ZNF536: variants seen among roughly 807,000 people sequenced by gnomAD.
ZNF536 encodes zinc finger protein 536.
In ZNF536, 13 loss-of-function variants were observed where a neutral mutation model predicts 84.5. The observed-to-expected ratio is 0.15, with a 90% CI of 0.10 to 0.24. ZNF536 has a LOEUF of 0.24. Among genes scored for constraint, ZNF536 ranks in the 10% least tolerant of loss-of-function variants. The pLI, the probability that ZNF536 is intolerant of heterozygous loss-of-function variation, is 1.00. For synonymous variants in ZNF536, 811 were observed against 742.5 expected (o/e 1.09, Z -1.50); for missense variants, 1,536 against 1,747.5 (o/e 0.88, Z 2.16).
intron 2 of ZNF536, among the ~76,000 whole-genome samples, chr19:30,516,639 G>A (rs1295750222): frequency 6.6e-6 from 1 of 152,176 alleles, no homozygotes; most frequent in African/African-American, 2.4e-5. Flanking sequence ...CGGCTCTGTT[G>A]ATGATTACGA....
At chr19:30,265,378 G>A (rs12979707) in intron 1 of ZNF536, among the ~76,000 whole-genome samples, 3,908 of 152,150 alleles carry the variant, frequency 0.026, 77 homozygotes, top group Middle Eastern at 0.048. Context: ...CCAACCTCCC[G>A]CTCCTGCAGG....
chr19:30,427,327 G>A (rs914442344), intron 1 of ZNF536, among the ~76,000 whole-genome samples: 15 of 152,226 alleles, frequency 9.9e-5, no homozygotes, highest in Admixed American at 9.8e-4. Flanking sequence ...ATGTGGGGAA[G>A]AGTGATAGGA....
intron 2 of ZNF536, among the ~76,000 whole-genome samples, chr19:30,317,952 G>C (rs928677405): frequency 1.3e-5 from 2 of 152,154 alleles, no homozygotes; most frequent in Non-Finnish European, 1.5e-5. Flanking sequence ...GCAATGTTAC[G>C]CAAAATGCCT....
rs144775069 is a variant in ZNF536, at chr19:30,596,201, G to A, written c.169+46687G>A. 7.9e-5 allele frequency among the ~76,000 whole-genome samples: 12 copies of A among 151,814 alleles called. No homozygotes were observed. The East Asian group carries it at 2.3e-3, about 29-fold the overall frequency. ...AAAAGCAAAATATATTCCACTGAAT[G>A]ACAGCAAAAGGGCAGAGCTTGGAAA... On this transcript the variant is annotated intron_variant, in intron 1 of 1. Transcript: ENST00000592773.
chr19:30,476,885 T>C (rs912852337), intron 2 of ZNF536, among the ~76,000 whole-genome samples: 3 of 152,046 alleles, frequency 2.0e-5, no homozygotes, highest in Non-Finnish European at 4.4e-5. Flanking sequence ...ACTCTCCTGC[T>C]CTTTCTGTCA....
At chr19:30,378,497 G>A (rs1239919026) in intron 1 of ZNF536, among the ~76,000 whole-genome samples, 1 of 152,142 alleles carries the variant, frequency 6.6e-6, no homozygotes, top group Non-Finnish European at 1.5e-5. Context: ...GGTTTTGCCA[G>A]GTTGGCCAGG....
rs745909803 is a variant in ZNF536, at chr19:30,445,881, T to A, written c.2170+149T>A. ...GGTTGGACACTGGGCCATGCCTTTC[T>A]TTCCCCCCCTGACTGGAGGGAAAGG... On this transcript the variant is annotated intron_variant, in intron 2 of 4. Transcript: ENST00000355537. The surrounding 1 kb of genome is among the most constrained non-coding windows in gnomAD (Gnocchi z 4.5). 7 of 1,118,292 alleles carry A rather than the reference T, an allele frequency of 6.3e-6. No individual in the cohort carries two copies. Among genetic ancestry groups the A allele is most frequent in the Non-Finnish European group, 8.5e-6 (7 of 825,014 alleles). The allele number at this position is 1,118,292 out of a possible 1,614,324, so 69.3% of individuals were successfully genotyped here.
intron 1 of ZNF536, among the ~76,000 whole-genome samples, chr19:30,390,047 T>TCAGAG (rs1449082609): frequency 7.2e-5 from 11 of 152,172 alleles, no homozygotes; most frequent in African/African-American, 1.9e-4. Flanking sequence ...ATGGGGGACC[T>TCAGAG]CAGAGGTGTT....
chr19:30,399,490 C>T (rs995220228), intron 1 of ZNF536, among the ~76,000 whole-genome samples: 1 of 152,020 alleles, frequency 6.6e-6, no homozygotes, highest in East Asian at 1.9e-4. Context: ...AGTCTTTGCC[C>T]ATGCTTATGT....
intron 2 of ZNF536, among the ~76,000 whole-genome samples, chr19:30,318,069 C>T (rs141975270): frequency 7.9e-5 from 12 of 152,324 alleles, no homozygotes; most frequent in South Asian, 4.1e-4. Flanking sequence ...ACTGGCAGAA[C>T]GGCCAAGTGT....
At chr19:30,453,496 C>T (rs1378156046) in intron 2 of ZNF536, among the ~76,000 whole-genome samples, 1 of 152,246 alleles carries the variant, frequency 6.6e-6, no homozygotes, top group Non-Finnish European at 1.5e-5. Flanking sequence ...CGGGATTGGT[C>T]AGTGACTGTT....
chr19:30,329,391 G>C (rs1263336805), intron 2 of ZNF536, among the ~76,000 whole-genome samples: 1 of 152,114 alleles, frequency 6.6e-6, no homozygotes, highest in African/African-American at 2.4e-5. Context: ...TTGGAGGTGG[G>C]GGGCTGGGGA....
At chr19:30,378,227 A>G (rs956481792) in intron 1 of ZNF536, among the ~76,000 whole-genome samples, 7 of 152,120 alleles carry the variant, frequency 4.6e-5, no homozygotes, top group Admixed American at 3.9e-4. Flanking sequence ...AAGTGGCACA[A>G]TCTTGGCTCA....
intron 1 of ZNF536, among the ~76,000 whole-genome samples, chr19:30,566,044 G>A (rs2046335379): frequency 6.6e-6 from 1 of 152,142 alleles, no homozygotes; most frequent in Non-Finnish European, 1.5e-5. Flanking sequence ...CCCAGGTCAC[G>A]CTTGGATGCT....
chr19:30,389,963 T>G, intron 1 of ZNF536, among the ~76,000 whole-genome samples: 1 of 152,208 alleles, frequency 6.6e-6, no homozygotes, highest in Non-Finnish European at 1.5e-5. Context: ...TTACCTAAGA[T>G]TTCTCAAATG....
intron 2 of ZNF536, among the ~76,000 whole-genome samples, chr19:30,307,288 A>G (rs1010292171): frequency 6.6e-6 from 1 of 151,920 alleles, no homozygotes; most frequent in African/African-American, 2.4e-5. Flanking sequence ...CCTTTTTTAA[A>G]AAGAAATGAA....
At chr19:30,460,150 G>A (rs2053067331) in intron 2 of ZNF536, among the ~76,000 whole-genome samples, 1 of 152,154 alleles carries the variant, frequency 6.6e-6, no homozygotes, top group Admixed American at 6.5e-5. Context: ...AGGTGTTTTT[G>A]TACTATTATG....
intron 1 of ZNF536, among the ~76,000 whole-genome samples, chr19:30,601,037 A>T (rs1170944747): frequency 6.6e-6 from 1 of 152,198 alleles, no homozygotes; most frequent in African/African-American, 2.4e-5. Flanking sequence ...TCCAGGCCAG[A>T]TTGAGGTTAG....
chr19:30,600,179 A>G (rs931675325), intron 1 of ZNF536, among the ~76,000 whole-genome samples: 2 of 151,862 alleles, frequency 1.3e-5, no homozygotes, highest in Non-Finnish European at 2.9e-5. Context: ...TGCAATCTCC[A>G]CCTTCCAAGT....
Sources: gnomAD v4.1 joint callset for allele counts (sites outside exome capture counted in the v4.1 genomes callset) on GRCh38, gnomAD v4.1.1 for gene constraint, Gnocchi (gnomAD v3.1) non-coding constraint, MANE v1.5 for transcripts, NCBI Gene and HGNC (gene_info 2026-07-23, HGNC 2026-07-21) for gene names.